PCDHGA2: variants seen among roughly 807,000 people sequenced by gnomAD.
PCDHGA2 encodes protocadherin gamma subfamily A, 2, also known as protocadherin gamma-A2.
A neutral mutation model predicts 59.2 loss-of-function variants in PCDHGA2; 40 were observed. The observed-to-expected ratio is 0.68, with a 90% confidence interval of 0.52 to 0.88. The LOEUF is 0.88. Ranked by LOEUF, PCDHGA2 falls within the 40% of genes least tolerant of loss-of-function variation. The probability of loss-of-function intolerance (pLI) is 0.00; values close to 1 mark genes in which losing one functional copy is unlikely to be tolerated. For synonymous variants in PCDHGA2, 560 were observed against 526.0 expected (o/e 1.06, Z -0.89); for missense variants, 1,226 against 1,204.0 (o/e 1.02, Z -0.27).
intron 1 of PCDHGA2, chr5:141,356,496 G>A (rs1760240782): frequency 6.2e-7 from 1 of 1,613,960 alleles, no homozygotes; most frequent in Non-Finnish European, 8.5e-7. Context: ...CTCCTCCACT[G>A]TCTACAGAAA....
chr5:141,413,989 G>C, intron 1 of PCDHGA2: 1 of 1,613,400 alleles, frequency 6.2e-7, no homozygotes, highest in East Asian at 2.2e-5. Context: ...CACAGCCACC[G>C]ACAGGGACGA....
At chr5:141,410,438 G>T (rs957017717) in intron 1 of PCDHGA2, 1 of 1,613,894 alleles carries the variant, frequency 6.2e-7, no homozygotes, top group African/African-American at 1.3e-5. Flanking sequence ...CTACAGTGAG[G>T]GGACTTTGCC....
intron 1 of PCDHGA2, chr5:141,361,678 T>A (rs192424877): frequency 1.1e-5 from 17 of 1,613,474 alleles, no homozygotes; most frequent in Non-Finnish European, 1.4e-5. Flanking sequence ...CGGGGTGGTG[T>A]TCGCGCAGCG....
intron 1 of PCDHGA2, chr5:141,417,038 T>TAAA (rs567249795): frequency 5.5e-5 from 8 of 145,968 alleles, no homozygotes; most frequent in East Asian, 2.0e-4. Context: ...GTTTTTTTTT[T>TAAA]AAAAAAAACT....
intron 1 of PCDHGA2, chr5:141,426,585 T>C (rs2096944493): frequency 2.8e-6 from 1 of 358,848 alleles, no homozygotes; most frequent in African/African-American, 2.1e-5. Flanking sequence ...CAAAATCCTC[T>C]GTGTCATACC....
chr5:141,400,068 G>A (rs2093954953), intron 1 of PCDHGA2: 1 of 1,613,706 alleles, frequency 6.2e-7, no homozygotes, highest in African/African-American at 1.3e-5. Flanking sequence ...ATGGTGGACA[G>A]CCGCCACTCT....
chr5:141,387,929 A>C, intron 1 of PCDHGA2: 1 of 1,235,330 alleles, frequency 8.1e-7, no homozygotes, highest in Non-Finnish European at 1.1e-6. Flanking sequence ...AGAGGCTGCC[A>C]GTGCTCTTTC....
At chr5:141,390,373 ATT>A in intron 1 of PCDHGA2, 3 of 1,481,208 alleles carry the variant, frequency 2.0e-6, no homozygotes, top group Non-Finnish European at 2.8e-6. Flanking sequence ...AAAATATATA[ATT>A]TTTAGATGTC....
rs778054090 is a variant in PCDHGA2 at position 141,505,509 on chromosome 5, G to C, written c.2572+28G>C. On this transcript the variant is annotated intron_variant, in intron 3 of 3. Coordinates refer to ENST00000394576, the MANE Select transcript of PCDHGA2 (RefSeq NM_018915.4). ...AAGTGGTGTCAGTGTGTGTATGGAA[G>C]AGTGGGAGACCTGGGGTTCTGGGGT... The C allele has an allele frequency of 3.7e-6, 6 of 1,614,058 alleles. No homozygotes were observed. The East Asian group carries it at 1.1e-4, about 30-fold the overall frequency.
intron 1 of PCDHGA2, chr5:141,376,448 G>A: frequency 6.2e-7 from 1 of 1,614,174 alleles, no homozygotes. Context: ...TGAGAAAAGC[G>A]AGCCTCTTCT....
chr5:141,349,333 G>A (rs1165522229), intron 1 of PCDHGA2, among the ~76,000 whole-genome samples: 1 of 152,088 alleles, frequency 6.6e-6, no homozygotes, highest in Non-Finnish European at 1.5e-5. Flanking sequence ...GCCTCCCAAA[G>A]TGCTGGGATC....
intron 3 of PCDHGA2, among the ~76,000 whole-genome samples, chr5:141,506,444 CAAAAAAAAAA>C (rs1219684339): frequency 8.4e-5 from 8 of 95,030 alleles, no homozygotes; most frequent in Non-Finnish European, 1.3e-4. Context: ...CGCTCTGTCT[CAAAAAAAAAA>C]AAAAAAAAAA....
intron 1 of PCDHGA2, among the ~76,000 whole-genome samples, chr5:141,400,911 CAAAG>C (rs1162228499): frequency 6.6e-6 from 1 of 152,176 alleles, no homozygotes; most frequent in Non-Finnish European, 1.5e-5. Flanking sequence ...TCTTTTAAAG[CAAAG>C]AAACTGCTAG....
chr5:141,441,772 TG>T, intron 1 of PCDHGA2: 1 of 388,268 alleles, frequency 2.6e-6, no homozygotes, highest in South Asian at 2.0e-5. Flanking sequence ...CGCGTGTTGG[TG>T]GACGACCTGA....
chr5:141,393,650 C>A, intron 1 of PCDHGA2: 1 of 1,613,906 alleles, frequency 6.2e-7, no homozygotes, highest in Non-Finnish European at 8.5e-7. Context: ...AAGTGGCATA[C>A]AAATTCCGGA....
chr5:141,393,861 A>G (rs1324870023), intron 1 of PCDHGA2: 11 of 1,613,904 alleles, frequency 6.8e-6, no homozygotes, highest in Non-Finnish European at 9.3e-6. Context: ...AGTGATCATT[A>G]CGTCTTTGTT....
Position 141,431,980 on chromosome 5 carries a change from C to G in PCDHGA2, c.2425-62827C>G. The G allele has an allele frequency of 6.2e-7, 1 of 1,614,214 alleles. No homozygotes were observed. The highest frequency in any genetic ancestry group is 8.5e-7 in the Non-Finnish European group (1 of 1,180,024). ...GAAATTACTATAGTTTAGTCACAGACATAGTCTTGGATAGGGAACAGGTTC... is the reference window on the plus strand; with the variant it reads ...GAAATTACTATAGTTTAGTCACAGAGATAGTCTTGGATAGGGAACAGGTTC... On this transcript the variant is annotated intron_variant, in intron 1 of 3. Transcript: ENST00000394576. The surrounding 1 kb of genome is among the most constrained non-coding windows in gnomAD (Gnocchi z 4.8).
intron 1 of PCDHGA2, chr5:141,372,039 C>T (rs757866605): frequency 1.2e-6 from 2 of 1,613,468 alleles, no homozygotes; most frequent in Non-Finnish European, 1.7e-6. Flanking sequence ...CGTGAGCCTG[C>T]GCGTGTTGGT....
intron 1 of PCDHGA2, among the ~76,000 whole-genome samples, chr5:141,429,369 G>A (rs1368624471): frequency 6.7e-6 from 1 of 148,994 alleles, no homozygotes; most frequent in Non-Finnish European, 1.5e-5. Context: ...AGAAAATGGA[G>A]AAAATGTGTT....
Sources: allele counts gnomAD v4.1 joint callset (sites outside exome capture counted in the v4.1 genomes callset), GRCh38; gene constraint gnomAD v4.1.1; non-coding constraint Gnocchi (gnomAD v3.1); transcripts MANE v1.5; gene names NCBI Gene and HGNC (gene_info 2026-07-23, HGNC 2026-07-21).